Variants in THSD7A observed in about 807,000 individuals in gnomAD.
THSD7A encodes the protein thrombospondin type-1 domain-containing protein 7A.
Under a neutral mutation model 231.3 loss-of-function variants are expected in THSD7A, and 96 were observed. The observed-to-expected ratio is 0.41, with a 90% CI of 0.35 to 0.49. THSD7A has a LOEUF of 0.49. Ranked by LOEUF, THSD7A falls within the 20% of genes least tolerant of loss-of-function variation. The probability of loss-of-function intolerance (pLI) is 0.05; values close to 1 mark genes in which losing one functional copy is unlikely to be tolerated. For missense variants in THSD7A, 2,290 were observed against 2,070.2 expected (o/e 1.11, Z -2.06); for synonymous variants, 940 against 743.3 (o/e 1.26, Z -4.30).
intron 1 of THSD7A, among the ~76,000 whole-genome samples, chr7:11,681,829 G>GAA (rs1010378714): frequency 6.9e-6 from 1 of 145,438 alleles, no homozygotes; most frequent in Admixed American, 6.9e-5. Flanking sequence ...AATTTCAAAT[G>GAA]AAAAAAAAAA....
At chr7:11,412,824 TC>T (rs781682336) in intron 17 of THSD7A, 24 bp from the exon 18 acceptor site, 1 of 1,599,650 alleles carries the variant, frequency 6.3e-7, no homozygotes, top group South Asian at 1.1e-5. Flanking sequence ...GTACAAATTC[TC>T]AGAAAGGTGA....
At chr7:11,492,608 G>A (rs1328985864) in intron 6 of THSD7A, among the ~76,000 whole-genome samples, 3 of 151,902 alleles carry the variant, frequency 2.0e-5, no homozygotes, top group Non-Finnish European at 4.4e-5. Flanking sequence ...GACTAGAGAT[G>A]GCACAGTTCA....
intron 1 of THSD7A, among the ~76,000 whole-genome samples, chr7:11,648,533 G>A (rs1192772383): frequency 6.6e-6 from 1 of 151,744 alleles, no homozygotes; most frequent in Non-Finnish European, 1.5e-5. Flanking sequence ...TATTTGGTGG[G>A]CTTCATTATA....
chr7:11,617,863 G>A (rs1781161709), intron 2 of THSD7A, among the ~76,000 whole-genome samples: 1 of 152,076 alleles, frequency 6.6e-6, no homozygotes. Context: ...GGGAGGGATA[G>A]CACTAGGATA....
At chr7:11,496,505 G>A (rs1583849698) in intron 6 of THSD7A, among the ~76,000 whole-genome samples, 1 of 152,128 alleles carries the variant, frequency 6.6e-6, no homozygotes, top group African/African-American at 2.4e-5. Context: ...ATGACCTGGG[G>A]TTTAGGGCTG....
intron 1 of THSD7A, among the ~76,000 whole-genome samples, chr7:11,756,366 C>A (rs949007434): frequency 6.6e-6 from 1 of 151,962 alleles, no homozygotes; most frequent in African/African-American, 2.4e-5. Context: ...TAGTCCAAGT[C>A]TAAGGTGGTG....
intron 23 of THSD7A, among the ~76,000 whole-genome samples, chr7:11,388,659 T>G (rs189716480): frequency 1.6e-4 from 25 of 152,310 alleles, no homozygotes; most frequent in African/African-American, 5.8e-4. Context: ...ATTCATTGAT[T>G]TTTTAGAAGA....
At chr7:11,720,568 G>C (rs1331173178) in intron 1 of THSD7A, among the ~76,000 whole-genome samples, 2 of 151,718 alleles carry the variant, frequency 1.3e-5, no homozygotes, top group African/African-American at 4.8e-5. Context: ...TTGTGTTTCA[G>C]TTTTGCCCTA....
chr7:11,752,631 A>G (rs749257013), intron 1 of THSD7A, among the ~76,000 whole-genome samples: 1 of 152,048 alleles, frequency 6.6e-6, no homozygotes, highest in Non-Finnish European at 1.5e-5. Context: ...AGAAGTTTCT[A>G]AAGACCCATC....
chr7:11,664,524 C>T (rs921883215), intron 1 of THSD7A, among the ~76,000 whole-genome samples: 3 of 151,904 alleles, frequency 2.0e-5, no homozygotes. Context: ...GATAAGAAAT[C>T]CCACTTGACA....
chr7:11,609,217 C>T (rs1479433092), intron 2 of THSD7A, among the ~76,000 whole-genome samples: 1 of 152,124 alleles, frequency 6.6e-6, no homozygotes, highest in African/African-American at 2.4e-5. Flanking sequence ...TTCTTTACAG[C>T]TTCCCCAGCT....
intron 4 of THSD7A, among the ~76,000 whole-genome samples, chr7:11,584,416 A>G (rs1191341750): frequency 6.6e-6 from 1 of 152,192 alleles, no homozygotes; most frequent in Non-Finnish European, 1.5e-5. Context: ...ATAAAATATA[A>G]GAGTGTTTAA....
intron 23 of THSD7A, among the ~76,000 whole-genome samples, chr7:11,382,873 T>C (rs565706880): frequency 9.9e-5 from 15 of 151,590 alleles, no homozygotes; most frequent in African/African-American, 3.6e-4. Flanking sequence ...TAAAAAATAT[T>C]ATGAAATAAA....
At chr7:11,697,007 T>C (rs1780424476) in intron 1 of THSD7A, among the ~76,000 whole-genome samples, 1 of 151,440 alleles carries the variant, frequency 6.6e-6, no homozygotes, top group African/African-American at 2.4e-5. Flanking sequence ...ATAGTGGCAA[T>C]GGATTCAATA....
intron 4 of THSD7A, among the ~76,000 whole-genome samples, chr7:11,555,667 A>T (rs1217711217): frequency 6.6e-6 from 1 of 151,752 alleles, no homozygotes; most frequent in African/African-American, 2.4e-5. Flanking sequence ...TGTCATTTCC[A>T]ACTACAATTA....
Position 11,563,263 on chromosome 7 carries a change from T to C in THSD7A, c.1454-20146A>G, listed in dbSNP as rs571026504. On this transcript the variant is annotated intron_variant, in intron 4 of 27. Transcript: ENST00000423059. ...TTATTCCTCAATCAATTTTGAGCCATATTTAAAATAATGCTTGAGAATTAT... is the reference window on the plus strand; with the variant it reads ...TTATTCCTCAATCAATTTTGAGCCACATTTAAAATAATGCTTGAGAATTAT... Among the ~76,000 whole-genome samples, 128 of 152,340 alleles carry C rather than the reference T, an allele frequency of 8.4e-4. 1 individual carries two copies. Among genetic ancestry groups the C allele is most frequent in the Middle Eastern group, 3.4e-3 (1 of 294 alleles).
Position 11,776,199 on chromosome 7 carries a change from A to G in THSD7A, c.190+55558T>C, listed in dbSNP as rs1343016556. On this transcript the variant is annotated intron_variant, in intron 1 of 27. Coordinates refer to ENST00000423059, the MANE Select transcript of THSD7A (RefSeq NM_015204.3). ...GGGAAATGCCTCTTTCCAGATCACCAAAGATCTGAAACATGAAAGTTAGGA... is the reference window on the plus strand; with the variant it reads ...GGGAAATGCCTCTTTCCAGATCACCGAAGATCTGAAACATGAAAGTTAGGA... Among the ~76,000 whole-genome samples, 3 of 152,170 alleles carry G rather than the reference A, an allele frequency of 2.0e-5. 1 individual carries two copies. The highest frequency in any genetic ancestry group is 2.0e-4 in the Admixed American group (3 of 15,274).
rs73677747 is a variant in THSD7A at position 11,534,781 on chromosome 7, G to A, written c.1822+6638C>T. 2.1e-3 allele frequency among the ~76,000 whole-genome samples: 321 copies of A among 152,330 alleles called. 2 individuals carry two copies. Among genetic ancestry groups the A allele is most frequent in the African/African-American group, 6.6e-3 (276 of 41,584 alleles). On this transcript the variant is annotated intron_variant, in intron 6 of 27. Coordinates refer to ENST00000423059, the MANE Select transcript of THSD7A (RefSeq NM_015204.3). ...CAAGAGGCTCACTAATGTGAGGAATGCATCTGTTGGGTTTAATAACTAAAC... is the reference window on the plus strand; with the variant it reads ...CAAGAGGCTCACTAATGTGAGGAATACATCTGTTGGGTTTAATAACTAAAC...
intron 4 of THSD7A, among the ~76,000 whole-genome samples, chr7:11,564,922 A>T (rs1368705027): frequency 6.6e-6 from 1 of 152,214 alleles, no homozygotes; most frequent in Non-Finnish European, 1.5e-5. Flanking sequence ...TTTTTCTAAC[A>T]ATTTCATCAT....
Sources: gnomAD v4.1 joint callset for allele counts (sites outside exome capture counted in the v4.1 genomes callset) on GRCh38, gnomAD v4.1.1 for gene constraint, MANE v1.5 for transcripts, NCBI Gene and HGNC (gene_info 2026-07-23, HGNC 2026-07-21) for gene names.